The following INSL6 variants were observed in gnomAD, a reference collection of about 807,000 sequenced individuals.
The protein encoded by INSL6 is insulin like 6.
Under a neutral mutation model 9.4 loss-of-function variants are expected in INSL6, and 16 were observed. The ratio of observed to expected loss-of-function variants is 1.70; its 90% CI spans 1.15 to 2.59. The LOEUF is 2.59. INSL6 is among the 30% of genes most tolerant of loss of function. The probability of loss-of-function intolerance (pLI) is 0.00; values close to 1 mark genes in which losing one functional copy is unlikely to be tolerated. For missense variants in INSL6, 391 were observed against 257.3 expected (o/e 1.52, Z -3.56); for synonymous variants, 154 against 96.9 (o/e 1.59, Z -3.46).
chr9:5,182,236 CA>C (rs1483767137), intron 1 of INSL6, among the ~76,000 whole-genome samples: 1 of 151,946 alleles, frequency 6.6e-6, no homozygotes, highest in Non-Finnish European at 1.5e-5. Flanking sequence ...TAGTTAGAAG[CA>C]ATGGACTAAA....
At chr9:5,133,823 A>T (rs1278973487) in intron 2 of INSL6, among the ~76,000 whole-genome samples, 1 of 151,976 alleles carries the variant, frequency 6.6e-6, no homozygotes, top group Non-Finnish European at 1.5e-5. Flanking sequence ...TAGCAAGGGA[A>T]CAAAACTGGA....
the INSL6 span, among the ~76,000 whole-genome samples, chr9:5,007,592 A>G: frequency 3.3e-5 from 5 of 149,612 alleles, no homozygotes; most frequent in Non-Finnish European, 7.4e-5. Context: ...AATATGTCCT[A>G]TTTTGCAACT....
At chr9:4,992,499 T>C in the INSL6 span, among the ~76,000 whole-genome samples, 1 of 152,174 alleles carries the variant, frequency 6.6e-6, no homozygotes, top group Non-Finnish European at 1.5e-5. Context: ...TTATTAATAC[T>C]ATTGCCATAG....
chr9:5,058,002 G>A, the INSL6 span, among the ~76,000 whole-genome samples: 1 of 152,068 alleles, frequency 6.6e-6, no homozygotes, highest in East Asian at 1.9e-4. Flanking sequence ...AGGTTCATTT[G>A]TATTACAGCA....
At chr9:5,121,108 T>C (rs1458922934), downstream of INSL6, among the ~76,000 whole-genome samples, 7 of 152,142 alleles carry the variant, frequency 4.6e-5, no homozygotes, top group Non-Finnish European at 8.8e-5. Flanking sequence ...AGAGGCAGAA[T>C]AGTAGTAGTA....
At chr9:5,125,944 T>G (rs1823962460) in intron 3 of INSL6, 1 of 153,266 alleles carries the variant, frequency 6.5e-6, no homozygotes, top group South Asian at 2.1e-4. Context: ...TATGAAAGTT[T>G]TCTTTGTTGT....
At chr9:5,141,997 G>T (rs2130887513) in intron 2 of INSL6, among the ~76,000 whole-genome samples, 1 of 150,596 alleles carries the variant, frequency 6.6e-6, no homozygotes, top group East Asian at 2.0e-4. Context: ...GCTTGTTTTT[G>T]TCAGGTTTGT....
At chr9:5,019,005 G>T in the INSL6 span, among the ~76,000 whole-genome samples, 1 of 152,042 alleles carries the variant, frequency 6.6e-6, no homozygotes, top group Non-Finnish European at 1.5e-5. Flanking sequence ...TTGACAAACT[G>T]TTGACAGTTT....
At chr9:5,093,658 A>T in the INSL6 span, among the ~76,000 whole-genome samples, 4 of 152,156 alleles carry the variant, frequency 2.6e-5, no homozygotes, top group African/African-American at 9.7e-5. Flanking sequence ...AACAACCTAA[A>T]CTAAGACCAC....
At chr9:5,052,808 T>C in the INSL6 span, among the ~76,000 whole-genome samples, 2 of 152,226 alleles carry the variant, frequency 1.3e-5, no homozygotes, top group East Asian at 3.9e-4. Context: ...TTCATTCATG[T>C]TGTAGAATGT....
At chr9:5,150,487 T>C (rs1033224678) in intron 2 of INSL6, among the ~76,000 whole-genome samples, 1 of 152,124 alleles carries the variant, frequency 6.6e-6, no homozygotes, top group Non-Finnish European at 1.5e-5. Context: ...TCAACATCAC[T>C]GATGTTCAGA....
the INSL6 span, chr9:5,090,441 A>T: frequency 1.3e-6 from 2 of 1,531,552 alleles, no homozygotes; most frequent in South Asian, 2.6e-5. Flanking sequence ...CCTTTATGTT[A>T]AAAGGTCGGC....
the INSL6 span, chr9:5,050,683 T>C: frequency 5.0e-6 from 8 of 1,610,442 alleles, no homozygotes; most frequent in South Asian, 5.5e-5. Context: ...TTTTTGGTTT[T>C]AGTGGCGGCA....
chr9:5,092,735 C>T, the INSL6 span, among the ~76,000 whole-genome samples: 1 of 152,186 alleles, frequency 6.6e-6, no homozygotes, highest in South Asian at 2.1e-4. Flanking sequence ...AAAGAGCGTA[C>T]TCACCTACGT....
At chr9:5,047,973 T>G in the INSL6 span, among the ~76,000 whole-genome samples, 2 of 152,190 alleles carry the variant, frequency 1.3e-5, no homozygotes, top group African/African-American at 2.4e-5. Context: ...GAATAGTATT[T>G]ATTATGTTTT....
At chr9:5,110,935 G>A in the INSL6 span, 268 of 580,636 alleles carry the variant, frequency 4.6e-4, 2 homozygotes, top group Non-Finnish European at 7.2e-4. Flanking sequence ...GCAGAGGATG[G>A]CATCCGTGGA....
At chr9:5,109,657 A>C in the INSL6 span, 2 of 152,164 alleles carry the variant, frequency 1.3e-5, no homozygotes, top group African/African-American at 4.8e-5. Context: ...ATATATACAG[A>C]CCAAGAAGTC....
the INSL6 span, chr9:5,108,218 T>G: frequency 6.6e-6 from 1 of 152,126 alleles, no homozygotes; most frequent in Non-Finnish European, 1.5e-5. Flanking sequence ...TATATTGATT[T>G]CCCTGCAGAT....
At chr9:5,163,154 T>C (rs147765083), downstream of INSL6, among the ~76,000 whole-genome samples, 1 of 152,318 alleles carries the variant, frequency 6.6e-6, no homozygotes, top group East Asian at 1.9e-4. Flanking sequence ...CCCCCATACC[T>C]ACAGTTTCTG....
Sources: allele counts gnomAD v4.1 joint callset (sites outside exome capture counted in the v4.1 genomes callset), GRCh38; gene constraint gnomAD v4.1.1; transcripts MANE v1.5; gene names NCBI Gene and HGNC (gene_info 2026-07-23, HGNC 2026-07-21).